Variants in FAM177A1 observed in about 807,000 individuals in gnomAD.
FAM177A1 encodes family with sequence similarity 177 member A1, also known as protein FAM177A1.
A neutral mutation model predicts 26.1 loss-of-function variants in FAM177A1; 22 were observed. That is an observed-to-expected ratio of 0.84 (90% confidence interval 0.60 to 1.20). FAM177A1 has a LOEUF of 1.20. FAM177A1 is among the 50% of genes most tolerant of loss of function. FAM177A1 has a pLI of 0.00. For synonymous variants in FAM177A1, 95 were observed against 99.3 expected (o/e 0.96, Z 0.26); for missense variants, 296 against 291.1 (o/e 1.02, Z -0.12).
At chr14:35,058,220 T>G (rs2045092770) in intron 2 of FAM177A1, among the ~76,000 whole-genome samples, 1 of 151,982 alleles carries the variant, frequency 6.6e-6, no homozygotes, top group Non-Finnish European at 1.5e-5. Flanking sequence ...ATTACAGGCT[T>G]GCACCTGGCT....
intron 1 of FAM177A1, among the ~76,000 whole-genome samples, chr14:35,052,664 C>T (rs2044993058): frequency 6.6e-6 from 1 of 152,006 alleles, no homozygotes; most frequent in African/African-American, 2.4e-5. Flanking sequence ...GTGACGTATG[C>T]CTGTAATCCT....
intron 2 of FAM177A1, among the ~76,000 whole-genome samples, chr14:35,058,549 C>T (rs2045098685): frequency 2.6e-5 from 4 of 151,928 alleles, no homozygotes; most frequent in Middle Eastern, 6.8e-3. Flanking sequence ...ATAAAATGTC[C>T]TTCTTTACCT....
At position 35,077,704 on chromosome 14, in the gene FAM177A1, G is replaced by C. The variant is rs369547495; in HGVS notation, c.406+488G>C. Among the ~76,000 whole-genome samples, 131 of 150,350 alleles carry C rather than the reference G, an allele frequency of 8.7e-4. 1 individual carries two copies. Among genetic ancestry groups the C allele is most frequent in the African/African-American group, 3.0e-3 (124 of 40,950 alleles). Reference sequence around the variant, plus strand: ...TCACCTTGTTGGCCAGGATGGTCTCGATCTCCTGACCTCATGATCCACCCG... The same window carrying C: ...TCACCTTGTTGGCCAGGATGGTCTCCATCTCCTGACCTCATGATCCACCCG... On this transcript the variant is annotated intron_variant, in intron 3 of 4. Transcript: ENST00000280987.
At chr14:35,075,984 A>G (rs572803070) in intron 2 of FAM177A1, among the ~76,000 whole-genome samples, 6 of 152,346 alleles carry the variant, frequency 3.9e-5, no homozygotes, top group African/African-American at 1.4e-4. Context: ...ACACTTTTAT[A>G]CTGTTGGTGG....
rs1364222746 is a variant in FAM177A1, at chr14:35,083,245, G to A, written c.*2017G>A. The A allele has an allele frequency of 6.6e-6, 1 of 152,616 alleles. No homozygotes were observed. The highest frequency in any genetic ancestry group is 1.5e-5 in the Non-Finnish European group (1 of 68,036). 9.5% of individuals were successfully genotyped at this position (152,616 alleles called of 1,614,324 possible). A position where few individuals can be genotyped will look rare whatever the true frequency, so the allele number is the denominator to read the frequency against. The stretch of plus-strand genomic sequence containing the variant: ...GTAACAAAAGGAAGTAGTGACTTAT[G>A]AAGGTTTTGTTTCTTGAATTTTACT... On this transcript the variant is annotated 3_prime_UTR_variant, in exon 5 of 5. Transcript: ENST00000280987.
intron 2 of FAM177A1, among the ~76,000 whole-genome samples, chr14:35,066,091 A>G (rs1388628826): frequency 1.3e-5 from 2 of 152,052 alleles, no homozygotes; most frequent in Non-Finnish European, 2.9e-5. Context: ...TTTTGAGACA[A>G]GGTCTTCCTC....
chr14:35,080,891 C>A, intron 4 of FAM177A1, 131 bp from the exon 5 acceptor site: 1 of 1,310,604 alleles, frequency 7.6e-7, no homozygotes, highest in Non-Finnish European at 1.0e-6. Context: ...TTAATTAGAC[C>A]AAACTGATTT....
chr14:35,067,672 C>A (rs28870452), intron 2 of FAM177A1, among the ~76,000 whole-genome samples: 25,506 of 152,190 alleles, frequency 0.17, 2,376 homozygotes, highest in East Asian at 0.31. Context: ...CTTTTCTCTA[C>A]ATCCTTGCCA....
At chr14:35,077,356 G>T in intron 3 of FAM177A1, 140 bp downstream of exon 3, 1 of 720,906 alleles carries the variant, frequency 1.4e-6, no homozygotes, top group East Asian at 2.5e-5. Flanking sequence ...CTAGCATTGG[G>T]AGATAGTAAC....
At chr14:35,077,262 T>A in intron 3 of FAM177A1, 46 bp downstream of exon 3, 2 of 1,532,896 alleles carry the variant, frequency 1.3e-6, no homozygotes, top group Non-Finnish European at 1.8e-6. Flanking sequence ...GTAACATGCT[T>A]CAGCAACAGG....
Position 35,062,548 on chromosome 14 carries a change from C to T in FAM177A1, c.339+9097C>T, listed in dbSNP as rs192871388. Reference sequence around the variant, plus strand: ...CTTAACTTTCATTGTAGTTAAAGTTCCATGATTACAAAGAAGAGAGATAAC... The same window carrying T: ...CTTAACTTTCATTGTAGTTAAAGTTTCATGATTACAAAGAAGAGAGATAAC... On this transcript the variant is annotated intron_variant, in intron 2 of 4. Coordinates refer to ENST00000280987, the MANE Select transcript of FAM177A1 (RefSeq NM_173607.5). 3.3e-4 allele frequency among the ~76,000 whole-genome samples: 50 copies of T among 152,196 alleles called. No individual in the cohort carries two copies. The East Asian group carries it at 9.5e-3, about 29-fold the overall frequency.
At chr14:35,059,055 C>T (rs1323618184) in intron 2 of FAM177A1, among the ~76,000 whole-genome samples, 1 of 152,016 alleles carries the variant, frequency 6.6e-6, no homozygotes, top group Non-Finnish European at 1.5e-5. Context: ...CCTGCCTCAG[C>T]CTCCCGAGTA....
intron 2 of FAM177A1, among the ~76,000 whole-genome samples, chr14:35,055,940 A>G (rs1223049304): frequency 6.6e-6 from 1 of 151,982 alleles, no homozygotes; most frequent in East Asian, 1.9e-4. Context: ...TGTCGTTTTG[A>G]TTTACATTCC....
intron 2 of FAM177A1, among the ~76,000 whole-genome samples, chr14:35,075,527 A>G (rs561734495): frequency 1.3e-4 from 20 of 152,300 alleles, no homozygotes; most frequent in African/African-American, 4.8e-4. Flanking sequence ...ACCATTCAGG[A>G]CATAGGCATG....
chr14:35,054,553 A>G (rs1221432272), intron 2 of FAM177A1: 1 of 152,186 alleles, frequency 6.6e-6, no homozygotes, highest in Non-Finnish European at 1.5e-5. Flanking sequence ...ATAAATATAT[A>G]CTATAATTAT....
chr14:35,058,532 T>C (rs1290375760), intron 2 of FAM177A1, among the ~76,000 whole-genome samples: 1 of 152,180 alleles, frequency 6.6e-6, no homozygotes, highest in Non-Finnish European at 1.5e-5. Context: ...TTGACCCTTT[T>C]ATCATTATAA....
chr14:35,052,247 T>C (rs2044983347), intron 1 of FAM177A1, among the ~76,000 whole-genome samples: 1 of 152,014 alleles, frequency 6.6e-6, no homozygotes, highest in African/African-American at 2.4e-5. Context: ...TCAGGCAGTT[T>C]TCTTTTTTTT....
intron 3 of FAM177A1, 84 bp downstream of exon 3, chr14:35,077,300 C>T (rs1443498247): frequency 8.0e-7 from 1 of 1,247,798 alleles, no homozygotes; most frequent in African/African-American, 1.5e-5. Flanking sequence ...TGTTTCCAAA[C>T]TGAAGGAGAA....
At chr14:35,063,392 T>A (rs1238394604) in intron 2 of FAM177A1, among the ~76,000 whole-genome samples, 1 of 150,762 alleles carries the variant, frequency 6.6e-6, no homozygotes, top group Non-Finnish European at 1.5e-5. Context: ...GCCAACATGG[T>A]GAAACCCCGT....
Sources: allele counts gnomAD v4.1 joint callset (sites outside exome capture counted in the v4.1 genomes callset), GRCh38; gene constraint gnomAD v4.1.1; transcripts MANE v1.5; gene names NCBI Gene and HGNC (gene_info 2026-07-23, HGNC 2026-07-21).